GPSM2: variants seen among roughly 807,000 people sequenced by gnomAD.
GPSM2 encodes G protein signaling modulator 2, also known as G protein-signaling modulator 2.
GPSM2 carries 58 observed loss-of-function variants against 78.4 expected under a neutral mutation model. The observed-to-expected ratio is 0.74, with a 90% CI of 0.60 to 0.92. The LOEUF (loss-of-function observed/expected upper bound fraction) is 0.92, where lower values mean the gene tolerates loss of function less well. Ranked by LOEUF, GPSM2 falls within the 40% of genes least tolerant of loss-of-function variation. The pLI is 0.00. For synonymous variants in GPSM2, 224 were observed against 280.2 expected (o/e 0.80, Z 2.00); for missense variants, 700 against 815.5 (o/e 0.86, Z 1.73).
At chr1:108,906,935 T>C (rs756262785) in intron 10 of GPSM2, among the ~76,000 whole-genome samples, 14 of 152,198 alleles carry the variant, frequency 9.2e-5, no homozygotes, top group Non-Finnish European at 1.3e-4. Context: ...ATTACAGGCA[T>C]GAACCATCAT....
At chr1:108,898,552 TTTTTCTGATAAAAAGAA>T in intron 5 of GPSM2, 73 bp from the exon 6 acceptor site, 1 of 1,246,192 alleles carries the variant, frequency 8.0e-7, no homozygotes, top group Admixed American at 1.8e-5. Context: ...TCCCTACATT[TTTTTCTGATAAAAAGAA>T]TTAGATATGT....
rs116245659 is a variant in GPSM2 at position 108,905,452 on chromosome 1, G to A, written c.1192+1198G>A. On this transcript the variant is annotated intron_variant, in intron 10 of 14. Transcript: ENST00000264126. The stretch of plus-strand genomic sequence containing the variant: ...TCCATTTTACCAAATATATCATTCA[G>A]TTTTCACATGTCAGCTTACTTGATT... Among the ~76,000 whole-genome samples, 923 of 152,210 alleles carry A rather than the reference G, an allele frequency of 6.1e-3. 5 individuals are homozygous for A. Among genetic ancestry groups the A allele is most frequent in the African/African-American group, 0.021 (864 of 41,530 alleles).
At chr1:108,898,356 AT>A (rs1387010367) in intron 5 of GPSM2, among the ~76,000 whole-genome samples, 1 of 152,186 alleles carries the variant, frequency 6.6e-6, no homozygotes, top group Non-Finnish European at 1.5e-5. Context: ...ATTTAGAGTA[AT>A]TTAGTCTTTT....
rs748241850 is a variant in GPSM2, at chr1:108,903,106, C to G, written c.954-20C>G. On this transcript the variant is annotated intron_variant, in intron 8 of 14. Transcript: ENST00000264126. ...ACCTCTTTTCAAATAACTGCATGTT[C>G]GCTTTGAATAACGTTTTAGAATTGG... is the stretch of plus-strand genomic sequence containing the variant. 14 of 1,426,362 alleles carry G rather than the reference C, an allele frequency of 9.8e-6. No homozygotes were observed. The highest frequency in any genetic ancestry group is 1.4e-5 in the African/African-American group (1 of 71,332). The allele number at this position is 1,426,362 out of a possible 1,614,324, so 88.4% of individuals were successfully genotyped here. A position where few individuals can be genotyped will look rare whatever the true frequency, so the allele number is the denominator to read the frequency against.
At chr1:108,877,728 A>G (rs1340224723) in intron 1 of GPSM2, 1 of 152,050 alleles carries the variant, frequency 6.6e-6, no homozygotes, top group East Asian at 1.9e-4. Context: ...ACTTTTGGGC[A>G]CCAACTGGTC....
intron 2 of GPSM2, among the ~76,000 whole-genome samples, chr1:108,892,286 G>T (rs1430781497): frequency 1.3e-5 from 2 of 152,128 alleles, no homozygotes; most frequent in African/African-American, 4.8e-5. Context: ...TAGCATCATG[G>T]TTTTATGTTT....
chr1:108,891,932 A>T (rs1435032269), intron 2 of GPSM2, among the ~76,000 whole-genome samples: 2 of 152,166 alleles, frequency 1.3e-5, no homozygotes, highest in Non-Finnish European at 2.9e-5. Flanking sequence ...TCATCTAACC[A>T]TACAAATGTA....
chr1:108,889,726 C>T (rs1048339059), intron 2 of GPSM2, among the ~76,000 whole-genome samples: 2 of 152,192 alleles, frequency 1.3e-5, no homozygotes, highest in Non-Finnish European at 2.9e-5. Context: ...CCATTCTTCA[C>T]CTCTTGGAAC....
intron 14 of GPSM2, 99 bp downstream of exon 14, chr1:108,924,313 T>TA: frequency 1.3e-6 from 1 of 784,512 alleles, no homozygotes; most frequent in South Asian, 1.5e-5. Context: ...TATTTTGTAT[T>TA]AGAGAGTTAT....
chr1:108,922,123 A>G (rs1372216275), intron 12 of GPSM2, among the ~76,000 whole-genome samples: 1 of 152,204 alleles, frequency 6.6e-6, no homozygotes, highest in African/African-American at 2.4e-5. Flanking sequence ...CTGAATGTAG[A>G]GCCTGAAGTA....
In GPSM2 at chr1:108,902,359, G is replaced by A. The variant is rs1221808961; in HGVS notation, c.953+414G>A. Among the ~76,000 whole-genome samples, 8 of 146,004 alleles carry A rather than the reference G, an allele frequency of 5.5e-5. No homozygotes were observed. In the East Asian group the frequency reaches 8.0e-4, roughly 15 times the overall value. On this transcript the variant is annotated intron_variant, in intron 8 of 14. Transcript: ENST00000264126. ...TCACGCCACTGCGCTCCAGCCTGGC[G>A]ACAGAGCAAGACTGCATCTCAAAAA...
At chr1:108,909,222 G>GT (rs1159974575) in intron 10 of GPSM2, among the ~76,000 whole-genome samples, 1 of 152,148 alleles carries the variant, frequency 6.6e-6, no homozygotes, top group Non-Finnish European at 1.5e-5. Flanking sequence ...GTATATATGT[G>GT]TATTTTTTAA....
At chr1:108,893,242 C>A (rs989447031) in intron 2 of GPSM2, among the ~76,000 whole-genome samples, 8 of 152,170 alleles carry the variant, frequency 5.3e-5, no homozygotes, top group African/African-American at 1.9e-4. Flanking sequence ...TGAATATTGG[C>A]AAACACTTTT....
chr1:108,891,753 C>G (rs1022866071), intron 2 of GPSM2, among the ~76,000 whole-genome samples: 42 of 151,756 alleles, frequency 2.8e-4, no homozygotes, highest in African/African-American at 2.4e-4. Flanking sequence ...GATCCACCCC[C>G]CCTTAGCCTC....
intron 5 of GPSM2, among the ~76,000 whole-genome samples, chr1:108,898,409 A>G (rs1013795507): frequency 1.3e-5 from 2 of 152,220 alleles, no homozygotes; most frequent in African/African-American, 4.8e-5. Flanking sequence ...TAGGGGTTCC[A>G]AGATTAACTC....
At position 108,898,036 on chromosome 1, in the gene GPSM2, C is replaced by T; in HGVS notation, c.492C>T (p.Pro164=). ...AKGKSFGCPG[P]QDVGEFPEEV... is the part of the protein sequence containing the mutation. Reference sequence around the variant, plus strand: ...GGAAAAGTTTTGGTTGCCCTGGTCCCCAGGATGTAGGAGAATTTCCAGAAG... The same window carrying T: ...GGAAAAGTTTTGGTTGCCCTGGTCCTCAGGATGTAGGAGAATTTCCAGAAG... Residue 164 remains proline (P), a synonymous_variant, in exon 5 of 15, where the codon CCC becomes CCT. Coordinates refer to ENST00000264126, the MANE Select transcript of GPSM2 (RefSeq NM_013296.5). The T allele has an allele frequency of 6.2e-7, 1 of 1,614,018 alleles. No individual in the cohort carries two copies. Among genetic ancestry groups the T allele is most frequent in the South Asian group, 1.1e-5 (1 of 91,084 alleles).
At chr1:108,903,790 A>C (rs1649012114) in intron 9 of GPSM2, among the ~76,000 whole-genome samples, 2 of 152,204 alleles carry the variant, frequency 1.3e-5, no homozygotes, top group South Asian at 4.1e-4. Context: ...AATTTTATTC[A>C]TATACCAAGT....
chr1:108,898,346 A>G, intron 5 of GPSM2, among the ~76,000 whole-genome samples: 1 of 152,234 alleles, frequency 6.6e-6, no homozygotes. Flanking sequence ...TTGGTCTGTT[A>G]TTTAGAGTAA....
At chr1:108,902,416 G>A (rs941947581) in intron 8 of GPSM2, among the ~76,000 whole-genome samples, 1 of 151,146 alleles carries the variant, frequency 6.6e-6, no homozygotes, top group Non-Finnish European at 1.5e-5. Context: ...AACTACATAA[G>A]TGTGGGAATT....
Sources: allele counts gnomAD v4.1 joint callset (sites outside exome capture counted in the v4.1 genomes callset), GRCh38; gene constraint gnomAD v4.1.1; transcripts MANE v1.5; gene names NCBI Gene and HGNC (gene_info 2026-07-23, HGNC 2026-07-21).